The following PACRG variants were observed in gnomAD, a reference collection of about 807,000 sequenced individuals.
The protein encoded by PACRG is parkin coregulated, also known as parkin coregulated gene protein.
Under a neutral mutation model 29.7 loss-of-function variants are expected in PACRG, and 29 were observed. The ratio of observed to expected loss-of-function variants is 0.98; its 90% CI spans 0.73 to 1.33. PACRG has a LOEUF of 1.33. PACRG is among the 40% of genes most tolerant of loss of function. The pLI is 0.00. For synonymous variants in PACRG, 116 were observed against 118.7 expected (o/e 0.98, Z 0.15); for missense variants, 279 against 316.2 (o/e 0.88, Z 0.89).
chr6:163,263,536 A>G (rs770126068), intron 4 of PACRG, among the ~76,000 whole-genome samples: 1 of 152,188 alleles, frequency 6.6e-6, no homozygotes, highest in African/African-American at 2.4e-5. Context: ...CTCAATCACA[A>G]AAGCTCTTTA....
At chr6:163,088,969 G>T (rs1585187338) in intron 3 of PACRG, among the ~76,000 whole-genome samples, 1 of 152,094 alleles carries the variant, frequency 6.6e-6, no homozygotes, top group African/African-American at 2.4e-5. Flanking sequence ...CTTTCATACT[G>T]CTTATCCAAC....
intron 4 of PACRG, among the ~76,000 whole-genome samples, chr6:163,239,489 C>T (rs763013587): frequency 6.6e-6 from 1 of 152,088 alleles, no homozygotes; most frequent in African/African-American, 2.4e-5. Flanking sequence ...AGAATTAGCT[C>T]CATCAGAATT....
In PACRG at chr6:162,787,580, G is replaced by GTATCTATATATA. The variant is rs746185048; in HGVS notation, c.157-26566_157-26565insATCTATATATAT. Among the ~76,000 whole-genome samples, 239 of 69,096 alleles carry GTATCTATATATA rather than the reference G, an allele frequency of 3.5e-3. 6 individuals are homozygous for GTATCTATATATA. Among genetic ancestry groups the GTATCTATATATA allele is most frequent in the Admixed American group, 5.1e-3 (31 of 6,106 alleles). 45.3% of individuals were successfully genotyped at this position (69,096 alleles called of 152,430 possible). A position where few individuals can be genotyped will look rare whatever the true frequency, so the allele number is the denominator to read the frequency against. On this transcript the variant is annotated intron_variant, in intron 1 of 4. Coordinates refer to ENST00000366888, the MANE Select transcript of PACRG (RefSeq NM_001080379.2). Reference sequence around the variant, plus strand: ...TTATTGTGTGTGTGTGTGTGTGTGTGTGTATATATATATATATATATATAT... The same window carrying GTATCTATATATA: ...TTATTGTGTGTGTGTGTGTGTGTGTGTATCTATATATATGTATATATATATATATATATATAT...
intron 4 of PACRG, among the ~76,000 whole-genome samples, chr6:163,199,759 A>C (rs1780623304): frequency 1.3e-5 from 2 of 152,148 alleles, no homozygotes; most frequent in Admixed American, 1.3e-4. Context: ...CTCATTCTTT[A>C]ACTTAGCCCC....
At chr6:163,239,167 T>C (rs1237629050) in intron 4 of PACRG, among the ~76,000 whole-genome samples, 2 of 152,210 alleles carry the variant, frequency 1.3e-5, no homozygotes, top group African/African-American at 4.8e-5. Context: ...TAATGATATC[T>C]TCTCTCTGGG....
At chr6:163,258,878 G>A (rs913237900) in intron 4 of PACRG, among the ~76,000 whole-genome samples, 4 of 152,184 alleles carry the variant, frequency 2.6e-5, no homozygotes, top group African/African-American at 9.7e-5. Context: ...AAAAGCACTA[G>A]CTTTCGGTAT....
chr6:163,278,308 C>A (rs2128182921), intron 4 of PACRG, among the ~76,000 whole-genome samples: 1 of 152,182 alleles, frequency 6.6e-6, no homozygotes, highest in East Asian at 1.9e-4. Context: ...TCTGCTGGTT[C>A]TTTTGCTGTG....
chr6:162,734,512 T>C (rs1780014555), intron 1 of PACRG, among the ~76,000 whole-genome samples: 1 of 108,572 alleles, frequency 9.2e-6, no homozygotes, highest in African/African-American at 5.9e-5. Context: ...AATATATCAG[T>C]GCTGTTTTTA....
At chr6:163,107,211 T>A (rs9458725) in intron 4 of PACRG, among the ~76,000 whole-genome samples, 6,746 of 152,188 alleles carry the variant, frequency 0.044, 491 homozygotes, top group African/African-American at 0.15. Flanking sequence ...TCATATTTTT[T>A]AAAATCTAAT....
At chr6:163,004,071 TACAAAAA>T (rs1346083306) in intron 2 of PACRG, among the ~76,000 whole-genome samples, 6 of 151,984 alleles carry the variant, frequency 3.9e-5, no homozygotes, top group Non-Finnish European at 5.9e-5. Context: ...AATTAGAATT[TACAAAAA>T]AAATTCTCTT....
intron 4 of PACRG, among the ~76,000 whole-genome samples, chr6:163,228,090 G>A (rs1486363004): frequency 6.6e-6 from 1 of 151,974 alleles, no homozygotes; most frequent in African/African-American, 2.4e-5. Context: ...ATACAGAGAA[G>A]ACACATATAT....
chr6:163,255,967 A>G (rs1562341932), intron 4 of PACRG, among the ~76,000 whole-genome samples: 1 of 152,136 alleles, frequency 6.6e-6, no homozygotes, highest in Non-Finnish European at 1.5e-5. Flanking sequence ...GGGGGCACAA[A>G]TGGTACAAAA....
chr6:162,942,052 G>C (rs919043306), intron 2 of PACRG, among the ~76,000 whole-genome samples: 84 of 152,280 alleles, frequency 5.5e-4, no homozygotes, highest in African/African-American at 1.9e-3. Flanking sequence ...CCTCAGAGTA[G>C]AATCTAAGCC....
chr6:162,928,329 T>A (rs1469671945), intron 2 of PACRG, among the ~76,000 whole-genome samples: 2 of 152,046 alleles, frequency 1.3e-5, no homozygotes, highest in Non-Finnish European at 2.9e-5. Flanking sequence ...TCCCTAATGA[T>A]CCTTTGTATT....
intron 2 of PACRG, among the ~76,000 whole-genome samples, chr6:162,971,020 T>G (rs1801486265): frequency 6.6e-6 from 1 of 152,198 alleles, no homozygotes; most frequent in Non-Finnish European, 1.5e-5. Context: ...ATAGGTTAGA[T>G]CCAGTCTCCA....
At chr6:162,938,012 A>G (rs148462153) in intron 2 of PACRG, among the ~76,000 whole-genome samples, 2 of 152,208 alleles carry the variant, frequency 1.3e-5, no homozygotes, top group East Asian at 1.9e-4. Flanking sequence ...AGTAGTATAC[A>G]TTGCACACAG....
chr6:163,130,643 A>G (rs1305909488), intron 4 of PACRG, among the ~76,000 whole-genome samples: 2 of 152,222 alleles, frequency 1.3e-5, no homozygotes, highest in African/African-American at 2.4e-5. Context: ...CACTTTGGGC[A>G]CAACGTGCCC....
At chr6:163,290,749 C>T (rs1398162626) in intron 4 of PACRG, among the ~76,000 whole-genome samples, 1 of 152,204 alleles carries the variant, frequency 6.6e-6, no homozygotes, top group Non-Finnish European at 1.5e-5. Context: ...ATTACTGTGT[C>T]ATGACTCAAT....
chr6:162,751,113 A>T (rs1157640825), intron 1 of PACRG, among the ~76,000 whole-genome samples: 1 of 151,598 alleles, frequency 6.6e-6, no homozygotes, highest in African/African-American at 2.4e-5. Flanking sequence ...CATTATTTTT[A>T]TTTGTGTTTA....
Sources: allele counts gnomAD v4.1 joint callset (sites outside exome capture counted in the v4.1 genomes callset), GRCh38; gene constraint gnomAD v4.1.1; transcripts MANE v1.5; gene names NCBI Gene and HGNC (gene_info 2026-07-23, HGNC 2026-07-21).